Variants in GPR158 observed in about 807,000 individuals in gnomAD.
GPR158 encodes the protein G protein-coupled receptor 158, also known as metabotropic glycine receptor.
In GPR158, 30 loss-of-function variants were observed where a neutral mutation model predicts 78.2. The ratio of observed to expected loss-of-function variants is 0.38; its 90% CI spans 0.29 to 0.52. The LOEUF (loss-of-function observed/expected upper bound fraction) is 0.52, where lower values mean the gene tolerates loss of function less well. Among genes scored for constraint, GPR158 ranks in the 20% least tolerant of loss-of-function variants. The pLI is 0.83. For synonymous variants in GPR158, 581 were observed against 591.1 expected (o/e 0.98, Z 0.25); for missense variants, 1,463 against 1,523.5 (o/e 0.96, Z 0.66).
At chr10:25,387,804 G>A (rs1030010433) in intron 2 of GPR158, among the ~76,000 whole-genome samples, 11 of 152,270 alleles carry the variant, frequency 7.2e-5, no homozygotes, top group South Asian at 2.1e-4. Flanking sequence ...GTGAGCCACC[G>A]TGCCTGGGCT....
At chr10:25,488,709 A>G (rs1835764981) in intron 5 of GPR158, among the ~76,000 whole-genome samples, 1 of 152,090 alleles carries the variant, frequency 6.6e-6, no homozygotes, top group South Asian at 2.1e-4. Flanking sequence ...GTAATTATGT[A>G]ATAGATGTGA....
At chr10:25,448,307 G>A (rs1445490109) in intron 4 of GPR158, among the ~76,000 whole-genome samples, 1 of 151,904 alleles carries the variant, frequency 6.6e-6, no homozygotes, top group Non-Finnish European at 1.5e-5. Context: ...AGCCAGGATG[G>A]TCTCGATCTT....
chr10:25,362,513 G>C (rs1228938334), intron 2 of GPR158, among the ~76,000 whole-genome samples: 2 of 151,866 alleles, frequency 1.3e-5, no homozygotes, highest in Non-Finnish European at 2.9e-5. Context: ...GATAGGAATT[G>C]TGTTGAATAC....
chr10:25,302,237 AAT>A (rs1491349712), intron 2 of GPR158, among the ~76,000 whole-genome samples: 1 of 60,126 alleles, frequency 1.7e-5, no homozygotes. Context: ...ATGCCTGGCT[AAT>A]TTTTTTTTTT....
intron 4 of GPR158, among the ~76,000 whole-genome samples, chr10:25,463,847 A>G (rs1325226237): frequency 6.6e-6 from 1 of 152,158 alleles, no homozygotes; most frequent in East Asian, 1.9e-4. Flanking sequence ...AATCCTTGGT[A>G]CCAAGCATAA....
intron 7 of GPR158, among the ~76,000 whole-genome samples, chr10:25,575,694 C>A (rs1219498593): frequency 1.3e-5 from 2 of 152,048 alleles, no homozygotes; most frequent in Admixed American, 1.3e-4. Flanking sequence ...TACTGTTCCC[C>A]GATCAAACAC....
chr10:25,440,274 C>T (rs2130587796), intron 4 of GPR158, among the ~76,000 whole-genome samples: 1 of 152,278 alleles, frequency 6.6e-6, no homozygotes, highest in South Asian at 2.1e-4. Context: ...TCAGACTGAG[C>T]CGAGCTCTAC....
At chr10:25,293,360 G>C (rs1328908802) in intron 2 of GPR158, among the ~76,000 whole-genome samples, 3 of 152,118 alleles carry the variant, frequency 2.0e-5, no homozygotes, top group Non-Finnish European at 4.4e-5. Flanking sequence ...AGTAGGTATG[G>C]TCTGCCTAGG....
intron 2 of GPR158, among the ~76,000 whole-genome samples, chr10:25,359,580 G>T (rs1200218743): frequency 6.6e-6 from 1 of 151,998 alleles, no homozygotes; most frequent in African/African-American, 2.4e-5. Flanking sequence ...CCTGCAAAGG[G>T]CATAAACTCA....
intron 4 of GPR158, among the ~76,000 whole-genome samples, chr10:25,456,505 C>T (rs1469332883): frequency 6.6e-6 from 1 of 152,112 alleles, no homozygotes; most frequent in Admixed American, 6.5e-5. Flanking sequence ...TTTTAGAAGA[C>T]TGAGGCATTA....
intron 7 of GPR158, among the ~76,000 whole-genome samples, chr10:25,584,335 C>T (rs1404052928): frequency 1.3e-5 from 2 of 152,094 alleles, no homozygotes; most frequent in Non-Finnish European, 2.9e-5. Context: ...GATTTTTTTC[C>T]TAAGCACAAC....
intron 2 of GPR158, among the ~76,000 whole-genome samples, chr10:25,367,628 CT>C (rs775743697): frequency 2.0e-5 from 3 of 148,794 alleles, no homozygotes; most frequent in Non-Finnish European, 3.0e-5. Context: ...TTCATATTTT[CT>C]TTAATTTATC....
chr10:25,485,251 A>G (rs561313766), intron 5 of GPR158, among the ~76,000 whole-genome samples: 1 of 152,264 alleles, frequency 6.6e-6, no homozygotes, highest in East Asian at 1.9e-4. Context: ...AATGAGAAGT[A>G]GATGACATTT....
chr10:25,193,691 G>A (rs1487924104), intron 1 of GPR158, among the ~76,000 whole-genome samples: 6 of 152,228 alleles, frequency 3.9e-5, no homozygotes, highest in African/African-American at 9.6e-5. Context: ...TTATTGTAGC[G>A]TTTTAGTTTT....
intron 2 of GPR158, among the ~76,000 whole-genome samples, chr10:25,252,229 A>C (rs1309525084): frequency 6.7e-6 from 1 of 150,350 alleles, no homozygotes; most frequent in South Asian, 2.1e-4. Context: ...ATTTTTTTCA[A>C]AGTTTTCAAC....
chr10:25,524,837 TAAAAG>T (rs1252929431), intron 5 of GPR158, among the ~76,000 whole-genome samples: 2 of 152,262 alleles, frequency 1.3e-5, no homozygotes, highest in South Asian at 2.1e-4. Context: ...CCAAGAAAGT[TAAAAG>T]AAAGCACACA....
intron 2 of GPR158, among the ~76,000 whole-genome samples, chr10:25,303,440 G>T (rs72794270): frequency 6.6e-6 from 1 of 152,096 alleles, no homozygotes; most frequent in Admixed American, 6.5e-5. Flanking sequence ...TAATTTAGAG[G>T]AAGATGATAC....
intron 2 of GPR158, among the ~76,000 whole-genome samples, chr10:25,316,999 A>C (rs1293393557): frequency 6.7e-6 from 1 of 150,244 alleles, no homozygotes; most frequent in African/African-American, 2.4e-5. Context: ...ATACATATCC[A>C]TTCTTTGCCT....
intron 1 of GPR158, among the ~76,000 whole-genome samples, chr10:25,180,151 T>G (rs1272277893): frequency 1.3e-5 from 2 of 152,204 alleles, no homozygotes; most frequent in Non-Finnish European, 1.5e-5. Context: ...CTCCTCATTT[T>G]ATAGTTGAGG....
Sources: gnomAD v4.1 joint callset for allele counts (sites outside exome capture counted in the v4.1 genomes callset) on GRCh38, gnomAD v4.1.1 for gene constraint, MANE v1.5 for transcripts, NCBI Gene and HGNC (gene_info 2026-07-23, HGNC 2026-07-21) for gene names.